BTF3L4: variants seen among roughly 807,000 people sequenced by gnomAD.
The protein encoded by BTF3L4 is transcription factor BTF3 homolog 4.
A neutral mutation model predicts 16.8 loss-of-function variants in BTF3L4; 6 were observed. That is an observed-to-expected ratio of 0.36 (90% CI 0.20 to 0.71). The LOEUF (loss-of-function observed/expected upper bound fraction) is 0.71. BTF3L4 is among the 30% of genes least tolerant of loss of function. BTF3L4 has a pLI of 0.58. For synonymous variants in BTF3L4, 39 were observed against 59.8 expected (o/e 0.65, Z 1.60); for missense variants, 92 against 186.9 (o/e 0.49, Z 2.96).
chr1:52,076,780 A>C (rs1325220909), intron 3 of BTF3L4, among the ~76,000 whole-genome samples: 1 of 152,128 alleles, frequency 6.6e-6, no homozygotes, highest in Non-Finnish European at 1.5e-5. Context: ...AGCGTGTGCA[A>C]AGCCCATTAT....
intron 3 of BTF3L4, among the ~76,000 whole-genome samples, chr1:52,077,652 G>A (rs1686967596): frequency 6.6e-6 from 1 of 152,196 alleles, no homozygotes; most frequent in African/African-American, 2.4e-5. Flanking sequence ...TCCATGAACT[G>A]AGAGGGCAGT....
At chr1:52,073,309 C>A (rs12405074) in intron 3 of BTF3L4, among the ~76,000 whole-genome samples, 9,106 of 151,914 alleles carry the variant, frequency 0.06, 292 homozygotes, top group African/African-American at 0.083. Flanking sequence ...ATCTGTATAT[C>A]TATATAGATA....
chr1:52,075,771 A>G (rs1052064727), intron 3 of BTF3L4, among the ~76,000 whole-genome samples: 1 of 151,772 alleles, frequency 6.6e-6, no homozygotes, highest in Non-Finnish European at 1.5e-5. Context: ...TCAAGTGATT[A>G]TCCTGCCTCA....
At chr1:52,077,732 A>G (rs936753924) in intron 3 of BTF3L4, among the ~76,000 whole-genome samples, 1 of 152,206 alleles carries the variant, frequency 6.6e-6, no homozygotes, top group Non-Finnish European at 1.5e-5. Context: ...GTACTGCAGT[A>G]TAGGAACAAA....
chr1:52,059,662 G>T (rs924498351), intron 1 of BTF3L4, among the ~76,000 whole-genome samples, 173 bp from the exon 2 acceptor site: 23 of 152,106 alleles, frequency 1.5e-4, no homozygotes, highest in Admixed American at 3.9e-4. Flanking sequence ...AAAATATCTG[G>T]TTTATGAAGC....
rs891492375 is a variant in BTF3L4 at position 52,060,646 on chromosome 1, T to A, written c.54+745T>A. The A allele has an allele frequency of 1.6e-5, 17 of 1,069,540 alleles. No individual in the cohort carries two copies. In the Admixed American group the frequency reaches 7.1e-4, roughly 45 times the overall value. 66.3% of individuals were successfully genotyped at this position (1,069,540 alleles called of 1,614,324 possible). On this transcript the variant is annotated intron_variant, in intron 2 of 5. Transcript: ENST00000313334. Reference sequence around the variant, plus strand: ...AGTGAAAGAAAGAATAGTACTTACCTCAGACCTGAAGTGGTAGGTAGGACA... The same window carrying A: ...AGTGAAAGAAAGAATAGTACTTACCACAGACCTGAAGTGGTAGGTAGGACA...
At chr1:52,064,713 T>C in intron 2 of BTF3L4, 112 bp from the exon 3 acceptor site, 5 of 581,818 alleles carry the variant, frequency 8.6e-6, no homozygotes, top group Non-Finnish European at 1.5e-5. Context: ...ATCATTATTA[T>C]TTTGTCCATT....
chr1:52,061,487 CAAAAAAA>C (rs1169709967), intron 2 of BTF3L4, among the ~76,000 whole-genome samples: 3 of 48,200 alleles, frequency 6.2e-5, no homozygotes, highest in South Asian at 7.0e-4. Context: ...GACTCCGTCT[CAAAAAAA>C]AAAAAAAAAA....
chr1:52,058,338 C>T (rs1009912221), intron 1 of BTF3L4, among the ~76,000 whole-genome samples: 1 of 152,066 alleles, frequency 6.6e-6, no homozygotes, highest in African/African-American at 2.4e-5. Flanking sequence ...GGACATTAGC[C>T]TTAAAGAAGA....
chr1:52,058,592 C>T (rs558434162), intron 1 of BTF3L4, among the ~76,000 whole-genome samples: 256 of 150,128 alleles, frequency 1.7e-3, no homozygotes, highest in African/African-American at 5.5e-3. Context: ...TAAAACAAGA[C>T]TTTTAATTTG....
At chr1:52,065,108 AAAT>A in intron 3 of BTF3L4, 170 bp downstream of exon 3, 1 of 408,926 alleles carries the variant, frequency 2.4e-6, no homozygotes, top group Non-Finnish European at 4.4e-6. Context: ...ATGGTCAAAA[AAAT>A]AATTTTAGTA....
rs769140948 is a variant in BTF3L4, at chr1:52,086,696, T to C, written c.431-16T>C. ...TTTGTATTCTTTGATTCATATACTT[T>C]GTTTTTCTTTTTCAGATCTTGTAGA... On this transcript the variant is annotated splice_polypyrimidine_tract_variant and intron_variant, in intron 5 of 5. Coordinates refer to ENST00000313334, the MANE Select transcript of BTF3L4 (RefSeq NM_152265.5). 2.0e-6 allele frequency: 3 copies of C among 1,524,010 alleles called. No individual in the cohort carries two copies. Among genetic ancestry groups the C allele is most frequent in the African/African-American group, 1.4e-5 (1 of 72,264 alleles). 94.4% of individuals were successfully genotyped at this position (1,524,010 alleles called of 1,614,324 possible). A position where few individuals can be genotyped will look rare whatever the true frequency, so the allele number is the denominator to read the frequency against.
chr1:52,064,220 C>G (rs779661759), intron 2 of BTF3L4, among the ~76,000 whole-genome samples: 1 of 152,168 alleles, frequency 6.6e-6, no homozygotes, highest in Non-Finnish European at 1.5e-5. Flanking sequence ...TCATATGTTA[C>G]CTCTTCAGAG....
At chr1:52,072,644 CAT>C (rs1476965791) in intron 3 of BTF3L4, among the ~76,000 whole-genome samples, 12 of 152,272 alleles carry the variant, frequency 7.9e-5, no homozygotes, top group African/African-American at 2.9e-4. Context: ...TCATCGAGGT[CAT>C]AGTGTATCAG....
chr1:52,077,271 G>A lies in BTF3L4; in HGVS notation c.169-6069G>A, dbSNP rs184700916. On this transcript the variant is annotated intron_variant, in intron 3 of 5. Coordinates refer to ENST00000313334, the MANE Select transcript of BTF3L4 (RefSeq NM_152265.5). The stretch of plus-strand genomic sequence containing the variant: ...AGTAGGCAACTGCTGGCTGGGCGCG[G>A]TAGCTCCTACCTGTAATCACAACAC... Among the ~76,000 whole-genome samples, 360 of 152,360 alleles carry A rather than the reference G, an allele frequency of 2.4e-3. 1 individual carries two copies. Among genetic ancestry groups the A allele is most frequent in the African/African-American group, 8.3e-3 (344 of 41,592 alleles).
intron 3 of BTF3L4, among the ~76,000 whole-genome samples, chr1:52,073,148 G>A (rs1010625114): frequency 2.0e-5 from 3 of 152,130 alleles, no homozygotes; most frequent in African/African-American, 7.2e-5. Flanking sequence ...GCTGGGCATG[G>A]TGGTGCACAC....
At chr1:52,062,575 A>T (rs1686543525) in intron 2 of BTF3L4, among the ~76,000 whole-genome samples, 1 of 152,150 alleles carries the variant, frequency 6.6e-6, no homozygotes, top group African/African-American at 2.4e-5. Flanking sequence ...TTGGGATTCC[A>T]TTATACTTTT....
intron 2 of BTF3L4, among the ~76,000 whole-genome samples, chr1:52,062,662 A>G (rs1686547102): frequency 6.6e-6 from 1 of 152,178 alleles, no homozygotes; most frequent in South Asian, 2.1e-4. Context: ...GAAGGAAATG[A>G]CTGCCATTTT....
rs754757886 is a variant in BTF3L4 at position 52,074,367 on chromosome 1, AT to A, written c.169-8959del. On this transcript the variant is annotated intron_variant, in intron 3 of 5. Transcript: ENST00000313334. ...AGGTGTGTGCCACCACAACCAGCTA[AT>A]TTTTTTTTTTTTTGGAGGCAGTTTC... 3.0e-3 allele frequency among the ~76,000 whole-genome samples: 414 copies of A among 138,214 alleles called. 1 individual carries two copies. Among genetic ancestry groups the A allele is most frequent in the East Asian group, 0.015 (72 of 4,780 alleles). 90.7% of individuals were successfully genotyped at this position (138,214 alleles called of 152,430 possible). A position where few individuals can be genotyped will look rare whatever the true frequency, so the allele number is the denominator to read the frequency against.
Sources: gnomAD v4.1 joint callset for allele counts (sites outside exome capture counted in the v4.1 genomes callset) on GRCh38, gnomAD v4.1.1 for gene constraint, MANE v1.5 for transcripts, NCBI Gene and HGNC (gene_info 2026-07-23, HGNC 2026-07-21) for gene names.